UBE4B: variants seen among roughly 807,000 people sequenced by gnomAD.
UBE4B encodes ubiquitin conjugation factor E4 B.
UBE4B carries 27 observed loss-of-function variants against 148.1 expected under a neutral mutation model. That is an observed-to-expected ratio of 0.18 (90% CI 0.13 to 0.25). UBE4B has a LOEUF of 0.25. Ranked by LOEUF, UBE4B falls within the 10% of genes least tolerant of loss-of-function variation. The probability of loss-of-function intolerance (pLI) is 1.00; values close to 1 mark genes in which losing one functional copy is unlikely to be tolerated. For synonymous variants in UBE4B, 596 were observed against 619.3 expected, an observed-to-expected ratio of 0.96 and a Z score of 0.56; for missense variants, 1,170 against 1,662.4, an observed-to-expected ratio of 0.70 and a Z score of 5.15.
At chr1:10,049,516 A>G (rs1439802845) in intron 1 of UBE4B, among the ~76,000 whole-genome samples, 2 of 152,076 alleles carry the variant, frequency 1.3e-5, no homozygotes, top group South Asian at 2.1e-4. Flanking sequence ...AGGCCAAGGC[A>G]GGAGGATCAC....
At chr1:10,141,905 G>C (rs950054706) in intron 17 of UBE4B, among the ~76,000 whole-genome samples, 1 of 152,186 alleles carries the variant, frequency 6.6e-6, no homozygotes, top group Non-Finnish European at 1.5e-5. Context: ...TTTCAGATAA[G>C]AGGTCCAGCA....
intron 1 of UBE4B, among the ~76,000 whole-genome samples, chr1:10,066,312 G>A (rs1014230794): frequency 2.0e-5 from 3 of 151,778 alleles, no homozygotes; most frequent in Non-Finnish European, 4.4e-5. Context: ...GGGATTGGGG[G>A]GGGAGGGGGT....
chr1:10,039,668 G>C (rs189951838), intron 1 of UBE4B, among the ~76,000 whole-genome samples: 20 of 150,950 alleles, frequency 1.3e-4, no homozygotes, highest in Middle Eastern at 3.4e-3. Flanking sequence ...TCAAACTCCT[G>C]ACCTCAAGTG....
intron 15 of UBE4B, among the ~76,000 whole-genome samples, chr1:10,134,768 ACACCTGTAATCCCAG>A (rs1645650413): frequency 6.6e-6 from 1 of 151,934 alleles, no homozygotes; most frequent in Non-Finnish European, 1.5e-5. Flanking sequence ...ACAGTGGCTC[ACACCTGTAATCCCAG>A]CACTTTGGGA....
At chr1:10,162,387 A>G (rs1646177910) in intron 23 of UBE4B, among the ~76,000 whole-genome samples, 1 of 151,558 alleles carries the variant, frequency 6.6e-6, no homozygotes, top group Admixed American at 6.6e-5. Context: ...GTTAGCCAGG[A>G]TGGTCTCGAT....
chr1:10,073,920 A>ATTTT (rs947131085), intron 2 of UBE4B, among the ~76,000 whole-genome samples: 28 of 74,840 alleles, frequency 3.7e-4, no homozygotes, highest in Non-Finnish European at 4.7e-4. Flanking sequence ...CTTTCTTTCT[A>ATTTT]TTTTTTTTTT....
chr1:10,078,952 G>T (rs1404868894), intron 2 of UBE4B, among the ~76,000 whole-genome samples: 2 of 152,152 alleles, frequency 1.3e-5, no homozygotes, highest in African/African-American at 2.4e-5. Context: ...AAGTAGCTGA[G>T]ACTACAGGTG....
In UBE4B at chr1:10,130,738, C is replaced by T; in HGVS notation, c.1836C>T (p.Phe612=). 6.2e-7 allele frequency: 1 copy of T among 1,614,144 alleles called. No homozygotes were observed. Among genetic ancestry groups the T allele is most frequent in the South Asian group, 1.1e-5 (1 of 91,078 alleles). Residue 612 remains phenylalanine, a synonymous_variant, in exon 14 of 28, where the codon TTC becomes TTT. Coordinates refer to ENST00000343090, the MANE Select transcript of UBE4B (RefSeq NM_001105562.3). ...EDDVKVVEKY[F]SGPAITLENT... is the part of the protein sequence containing the mutation. ...AGGTTAAAGTGGTTGAAAAATACTT[C>T]TCAGGGCCTGCCATTACCCTGGAAA...
intron 25 of UBE4B, among the ~76,000 whole-genome samples, chr1:10,172,850 G>GCATATTATATA (rs1646358199): frequency 6.6e-6 from 1 of 152,074 alleles, no homozygotes; most frequent in East Asian, 1.9e-4. Context: ...AGACCATGTG[G>GCATATTATATA]CCCCATCATA....
chr1:10,098,734 A>T (rs1345843897), intron 3 of UBE4B, among the ~76,000 whole-genome samples: 1 of 152,216 alleles, frequency 6.6e-6, no homozygotes. Context: ...GTGTTACTAC[A>T]GTATAGCCTG....
At chr1:10,061,704 G>A (rs977014437) in intron 1 of UBE4B, among the ~76,000 whole-genome samples, 5 of 152,056 alleles carry the variant, frequency 3.3e-5, no homozygotes, top group African/African-American at 1.2e-4. Flanking sequence ...CCCTGCCCCA[G>A]GTATTCTCAA....
At chr1:10,151,234 C>T in intron 20 of UBE4B, 92 bp from the exon 21 acceptor site, 2 of 1,167,526 alleles carry the variant, frequency 1.7e-6, no homozygotes, top group Non-Finnish European at 2.5e-6. Flanking sequence ...CCTGCCTTCC[C>T]CTCCTCACTT....
chr1:10,166,527 C>T (rs1160739739), intron 23 of UBE4B, among the ~76,000 whole-genome samples: 2 of 152,148 alleles, frequency 1.3e-5, no homozygotes, highest in African/African-American at 2.4e-5. Flanking sequence ...GTGGCTTACA[C>T]TTGTAATCCC....
chr1:10,177,985 G>A (rs188691586), intron 25 of UBE4B, among the ~76,000 whole-genome samples: 5 of 152,128 alleles, frequency 3.3e-5, no homozygotes, highest in East Asian at 1.9e-4. Context: ...CTGGGTCCAC[G>A]GTGGGCGCCT....
chr1:10,150,236 G>A (rs1232639512), intron 20 of UBE4B, among the ~76,000 whole-genome samples: 3 of 151,978 alleles, frequency 2.0e-5, no homozygotes, highest in African/African-American at 4.8e-5. Context: ...CCAAATCATT[G>A]GTGACACGTG....
rs374963174 is a variant in UBE4B at position 10,179,997 on chromosome 1, C to T, written c.*41C>T. 4 of 1,611,424 alleles carry T rather than the reference C, an allele frequency of 2.5e-6. No homozygotes were observed. In the African/African-American group the frequency reaches 4.0e-5, roughly 16 times the overall value. ...ACCCTCTGCTAGACACAGCCAAGGC[C>T]AACGAGGCAAGCAGAAGCAGCGGCC... On this transcript the variant is annotated 3_prime_UTR_variant, in exon 28 of 28. Transcript: ENST00000343090.
At chr1:10,083,999 G>A (rs1345753934) in intron 2 of UBE4B, among the ~76,000 whole-genome samples, 1 of 152,052 alleles carries the variant, frequency 6.6e-6, no homozygotes, top group African/African-American at 2.4e-5. Flanking sequence ...GTTGATTCTT[G>A]CACTTTTCCC....
intron 9 of UBE4B, 107 bp downstream of exon 9, chr1:10,119,720 C>A: frequency 2.2e-6 from 2 of 894,012 alleles, no homozygotes; most frequent in Non-Finnish European, 3.5e-6. Flanking sequence ...AACTCCCTTC[C>A]TCACCTGTAA....
intron 5 of UBE4B, among the ~76,000 whole-genome samples, chr1:10,105,268 A>G (rs941087842): frequency 2.0e-5 from 3 of 152,208 alleles, no homozygotes; most frequent in African/African-American, 7.2e-5. Flanking sequence ...GAGTTCCTAT[A>G]TATACTTTAC....
Sources: allele counts gnomAD v4.1 joint callset (sites outside exome capture counted in the v4.1 genomes callset), GRCh38; gene constraint gnomAD v4.1.1; transcripts MANE v1.5; gene names NCBI Gene and HGNC (gene_info 2026-07-23, HGNC 2026-07-21).